Variants in ST7L observed in about 807,000 individuals in gnomAD.
ST7L encodes suppression of tumorigenicity 7 like, also known as suppressor of tumorigenicity 7 protein-like.
Under a neutral mutation model 72.5 loss-of-function variants are expected in ST7L, and 57 were observed. That is an observed-to-expected ratio of 0.79 (90% confidence interval 0.64 to 0.98). ST7L has a LOEUF of 0.98. Ranked by LOEUF, ST7L falls within the 50% of genes least tolerant of loss-of-function variation. The pLI is 0.00. For synonymous variants in ST7L, 221 were observed against 240.9 expected, an observed-to-expected ratio of 0.92 and a Z score of 0.77; for missense variants, 576 against 672.2, an observed-to-expected ratio of 0.86 and a Z score of 1.58.
intron 11 of ST7L, among the ~76,000 whole-genome samples, chr1:112,564,690 G>A (rs905046339): frequency 1.3e-5 from 2 of 151,814 alleles, no homozygotes; most frequent in African/African-American, 4.8e-5. Flanking sequence ...GGTGGCGGGT[G>A]CCTATAATCC....
chr1:112,599,076 ATATATATATATATATATAT>A lies in ST7L; in HGVS notation c.507-1009_507-991del, dbSNP rs1666973635. 1.4e-4 allele frequency among the ~76,000 whole-genome samples: 6 copies of A among 42,732 alleles called. 1 individual carries two copies. The highest frequency in any genetic ancestry group is 1.1e-3 in the East Asian group (1 of 906). The allele number at this position is 42,732 out of a possible 152,430, so 28.0% of individuals were successfully genotyped here. ...CTCAGCCTCAAAAAAAAAAAAAAAT[ATATATATATATATATATAT>A]ATATATATATATATATGTGGATGTG... On this transcript the variant is annotated intron_variant, in intron 4 of 14. Coordinates refer to ENST00000358039, the MANE Select transcript of ST7L (RefSeq NM_017744.5).
intron 12 of ST7L, 54 bp from the exon 13 acceptor site, chr1:112,550,747 A>G: frequency 7.2e-7 from 1 of 1,385,664 alleles, no homozygotes; most frequent in Non-Finnish European, 1.0e-6. Flanking sequence ...TTACCATCCT[A>G]TATTTGGAGA....
chr1:112,602,083 CAAAA>C (rs71584754), intron 3 of ST7L, among the ~76,000 whole-genome samples: 1 of 89,060 alleles, frequency 1.1e-5, no homozygotes, highest in Non-Finnish European at 2.3e-5. Context: ...AAACTCCATC[CAAAA>C]AAAAAAAAAA....
chr1:112,551,552 T>C (rs1190230645), intron 12 of ST7L, among the ~76,000 whole-genome samples: 1 of 152,256 alleles, frequency 6.6e-6, no homozygotes, highest in Non-Finnish European at 1.5e-5. Context: ...AACATAGTTA[T>C]GCCATTCATT....
chr1:112,518,438 G>C, the ST7L span: 5 of 152,332 alleles, frequency 3.3e-5, no homozygotes, highest in East Asian at 9.6e-4. Context: ...AAGTGGCTTG[G>C]AGTAAAACTG....
intron 3 of ST7L, among the ~76,000 whole-genome samples, chr1:112,607,919 C>A (rs1404707053): frequency 2.0e-5 from 3 of 152,016 alleles, no homozygotes; most frequent in African/African-American, 7.2e-5. Context: ...TAAATTGGTT[C>A]CCCCCAGCAT....
In ST7L at chr1:112,571,084, C is replaced by A. The variant is rs184179103; in HGVS notation, c.1245+5902G>T. Among the ~76,000 whole-genome samples the A allele has an allele frequency of 1.3e-4, 20 of 152,176 alleles. No homozygotes were observed. In the South Asian group the frequency reaches 3.7e-3, roughly 28 times the overall value. Reference sequence around the variant, plus strand: ...ACTTAGGAGGCTGAGGCAGGAGAATCGCTTGAACCCGGGAGGTGAAGGTTG... The same window carrying A: ...ACTTAGGAGGCTGAGGCAGGAGAATAGCTTGAACCCGGGAGGTGAAGGTTG... On this transcript the variant is annotated intron_variant, in intron 11 of 14. Coordinates refer to ENST00000358039, the MANE Select transcript of ST7L (RefSeq NM_017744.5).
intron 9 of ST7L, among the ~76,000 whole-genome samples, chr1:112,581,564 A>C (rs776364327): frequency 1.6e-4 from 25 of 151,964 alleles, no homozygotes; most frequent in Non-Finnish European, 3.2e-4. Context: ...AAACCCAGCT[A>C]ATTTTTTTAA....
In ST7L at chr1:112,597,987, T is replaced by TA. The variant is rs773145576; in HGVS notation, c.605dup (p.Leu202PhefsTer33). On this transcript the variant is annotated frameshift_variant, in exon 5 of 15. Coordinates refer to ENST00000358039, the MANE Select transcript of ST7L (RefSeq NM_017744.5). LOFTEE classifies it high-confidence loss of function. Reference sequence around the variant, plus strand: ...GATACATACCTGTGTCTGAAGGACGTAAAAAATCTGTGTCACAGGTGAAAA... The same window carrying TA: ...GATACATACCTGTGTCTGAAGGACGTAAAAAAATCTGTGTCACAGGTGAAAA... 105 of 1,612,396 alleles carry TA rather than the reference T, an allele frequency of 6.5e-5. 1 individual carries two copies. Among genetic ancestry groups the TA allele is most frequent in the Middle Eastern group, 3.3e-4 (2 of 6,080 alleles).
chr1:112,550,535 G>T, intron 13 of ST7L, 66 bp downstream of exon 13: 1 of 1,248,746 alleles, frequency 8.0e-7, no homozygotes, highest in Non-Finnish European at 1.2e-6. Context: ...TTAAAATGGA[G>T]AATACTATGA....
downstream of ST7L, among the ~76,000 whole-genome samples, chr1:112,519,134 C>A (rs1036090281): frequency 6.6e-6 from 1 of 152,098 alleles, no homozygotes; most frequent in African/African-American, 2.4e-5. Context: ...ATACAGTAGA[C>A]CTAGTCAGTC....
At chr1:112,520,232 C>G, downstream of ST7L, 1 of 1,547,134 alleles carries the variant, frequency 6.5e-7, no homozygotes, top group Non-Finnish European at 8.9e-7. Context: ...GTATCCAGGG[C>G]AGCTGAAGAG....
chr1:112,591,406 A>G, intron 6 of ST7L, 119 bp downstream of exon 6: 1 of 781,784 alleles, frequency 1.3e-6, no homozygotes, highest in Non-Finnish European at 2.0e-6. Context: ...TATCTATAAC[A>G]TGCAAAAAGG....
At chr1:112,530,741 C>A (rs1374625636) in intron 14 of ST7L, among the ~76,000 whole-genome samples, 1 of 152,050 alleles carries the variant, frequency 6.6e-6, no homozygotes, top group Non-Finnish European at 1.5e-5. Flanking sequence ...AACATATATC[C>A]CAAAGTCATA....
At position 112,616,714 on chromosome 1, in the gene ST7L, G is replaced by A; in HGVS notation, c.288+99C>T. The stretch of plus-strand genomic sequence containing the variant: ...GCCGAGATCATGCCACTGCACTCCA[G>A]CCTGGGCGACAGAGCAAGACTCTGT... On this transcript the variant is annotated intron_variant, in intron 2 of 14. Transcript: ENST00000358039. 3.7e-6 allele frequency: 3 copies of A among 803,990 alleles called. No homozygotes were observed. The East Asian group carries it at 9.5e-5, about 26-fold the overall frequency. 49.8% of individuals were successfully genotyped at this position (803,990 alleles called of 1,614,324 possible). A position where few individuals can be genotyped will look rare whatever the true frequency, so the allele number is the denominator to read the frequency against.
In ST7L at chr1:112,524,099, C is replaced by G. The variant is rs1424192582; in HGVS notation, c.*1914G>C. 1 of 152,356 alleles carries G rather than the reference C, an allele frequency of 6.6e-6. No homozygotes were observed. Among genetic ancestry groups the G allele is most frequent in the African/African-American group, 2.4e-5 (1 of 41,380 alleles). 9.4% of individuals were successfully genotyped at this position (152,356 alleles called of 1,614,324 possible). On this transcript the variant is annotated 3_prime_UTR_variant, in exon 15 of 15. Transcript: ENST00000358039. Reference sequence around the variant, plus strand: ...AGATCTAATTTCTGAACACTCACTGCTTCATTTCTATTCCTCCTGTTGCAG... The same window carrying G: ...AGATCTAATTTCTGAACACTCACTGGTTCATTTCTATTCCTCCTGTTGCAG...
intron 14 of ST7L, among the ~76,000 whole-genome samples, chr1:112,534,595 A>C (rs1174864878): frequency 6.6e-6 from 1 of 152,144 alleles, no homozygotes; most frequent in African/African-American, 2.4e-5. Context: ...AGGGAGCCAA[A>C]CTCCACCAAG....
rs1190968815 is a variant in ST7L, at chr1:112,599,073, A to AAAAAAAAATATATAT, written c.507-988_507-987insATATATATTTTTTTT. ...AGACTCAGCCTCAAAAAAAAAAAAAAATATATATATATATATATATATATA... is the reference window on the plus strand; with the variant it reads ...AGACTCAGCCTCAAAAAAAAAAAAAAAAAAAAAATATATATATATATATATATATATATATATATA... On this transcript the variant is annotated intron_variant, in intron 4 of 14. Coordinates refer to ENST00000358039, the MANE Select transcript of ST7L (RefSeq NM_017744.5). 1.3e-3 allele frequency among the ~76,000 whole-genome samples: 75 copies of AAAAAAAAATATATAT among 56,970 alleles called. 2 individuals carry two copies. Among genetic ancestry groups the AAAAAAAAATATATAT allele is most frequent in the East Asian group, 2.8e-3 (3 of 1,072 alleles). The allele number at this position is 56,970 out of a possible 152,430, so 37.4% of individuals were successfully genotyped here.
chr1:112,565,398 T>C, intron 11 of ST7L, among the ~76,000 whole-genome samples: 1 of 151,912 alleles, frequency 6.6e-6, no homozygotes, highest in Admixed American at 6.6e-5. Context: ...ATGCTACAGA[T>C]AGCGAATTTC....
Sources: allele counts gnomAD v4.1 joint callset (sites outside exome capture counted in the v4.1 genomes callset), GRCh38; gene constraint gnomAD v4.1.1; transcripts MANE v1.5; gene names NCBI Gene and HGNC (gene_info 2026-07-23, HGNC 2026-07-21).